DNAH11: variants seen among roughly 807,000 people sequenced by gnomAD.
The protein encoded by DNAH11 is dynein axonemal heavy chain 11, also known as axonemal beta dynein heavy chain 11.
In DNAH11, 442 loss-of-function variants were observed where a neutral mutation model predicts 526.0. The ratio of observed to expected loss-of-function variants is 0.84; its 90% CI spans 0.78 to 0.91. DNAH11 has a LOEUF of 0.91. DNAH11 is among the 40% of genes least tolerant of loss of function. The pLI, the probability that DNAH11 is intolerant of heterozygous loss-of-function variation, is 0.00. For synonymous variants in DNAH11, 2,461 were observed against 1,935.9 expected (o/e 1.27, Z -7.12); for missense variants, 6,989 against 5,448.7 (o/e 1.28, Z -8.90).
chr7:21,547,355 G>T (rs1288029499), intron 2 of DNAH11, among the ~76,000 whole-genome samples: 1 of 152,184 alleles, frequency 6.6e-6, no homozygotes, highest in Non-Finnish European at 1.5e-5. Flanking sequence ...CCAAAGGATG[G>T]ACTCGGAGAC....
Position 21,619,936 on chromosome 7 carries a change from A to ATGAAT in DNAH11, c.4378-19_4378-18insGAATT. ...TATCAATTAAATTTTGTGCACATTA[A>ATGAAT]TTATATTGTTGATTACTAGGTTATT... is the stretch of plus-strand genomic sequence containing the variant. On this transcript the variant is annotated intron_variant, in intron 24 of 81. Transcript: ENST00000409508. 6.4e-7 allele frequency: 1 copy of ATGAAT among 1,568,850 alleles called. No individual in the cohort carries two copies.
Position 21,786,711 on chromosome 7 carries a change from C to T in DNAH11, c.9685C>T (p.Arg3229Trp), listed in dbSNP as rs886536075. The change falls in exon 59 of 82, where the codon CGG (arginine) becomes TGG (tryptophan). Residue 3229 changes from arginine to tryptophan, a missense_variant. Transcript: ENST00000409508. ...TAAVMVLLAP[R>W]GRVPKDRSWK... is the part of the protein sequence containing the mutation. ...AGCCGTGATGGTCCTTCTGGCTCCT[C>T]GGGGAAGAGTGCCCAAAGACCGAAG... The T allele has an allele frequency of 1.9e-6, 3 of 1,613,686 alleles. No individual in the cohort carries two copies. Among genetic ancestry groups the T allele is most frequent in the African/African-American group, 2.7e-5 (2 of 74,892 alleles).
intron 55 of DNAH11, among the ~76,000 whole-genome samples, chr7:21,766,087 C>T (rs1266158726): frequency 6.6e-6 from 1 of 152,052 alleles, no homozygotes; most frequent in African/African-American, 2.4e-5. Flanking sequence ...ACCACTAAGT[C>T]AAATAATATA....
At chr7:21,711,503 C>T (rs924580848) in intron 41 of DNAH11, among the ~76,000 whole-genome samples, 13 of 152,110 alleles carry the variant, frequency 8.5e-5, no homozygotes, top group African/African-American at 2.7e-4. Context: ...ATGTAAAGGT[C>T]GACATTCACA....
intron 73 of DNAH11, among the ~76,000 whole-genome samples, chr7:21,872,135 A>AAAAAAAAAACAAAC (rs1562595922): frequency 7.3e-6 from 1 of 137,242 alleles, no homozygotes; most frequent in African/African-American, 2.9e-5. Flanking sequence ...AAAAAAAAAA[A>AAAAAAAAAACAAAC]AAAAAAAAAA....
At chr7:21,733,644 T>G (rs1295417879) in intron 45 of DNAH11, among the ~76,000 whole-genome samples, 1 of 152,220 alleles carries the variant, frequency 6.6e-6, no homozygotes, top group African/African-American at 2.4e-5. Context: ...GAGTTTGTAC[T>G]CTTTCTTTCC....
chr7:21,728,830 G>A (rs1016034114), intron 45 of DNAH11, among the ~76,000 whole-genome samples: 8 of 152,228 alleles, frequency 5.3e-5, no homozygotes, highest in Admixed American at 4.6e-4. Context: ...TCCCAAGCAA[G>A]TCCAAAACTT....
chr7:21,839,855 AAAC>A, intron 65 of DNAH11, among the ~76,000 whole-genome samples: 1 of 152,226 alleles, frequency 6.6e-6, no homozygotes, highest in African/African-American at 2.4e-5. Flanking sequence ...TCTGCAGGGA[AAAC>A]AACATTTGAG....
At chr7:21,669,874 T>C (rs1268738982) in intron 30 of DNAH11, among the ~76,000 whole-genome samples, 6 of 152,154 alleles carry the variant, frequency 3.9e-5, no homozygotes, top group Non-Finnish European at 8.8e-5. Flanking sequence ...TCAGATTCTC[T>C]TGTTTCATTG....
intron 57 of DNAH11, among the ~76,000 whole-genome samples, chr7:21,781,247 G>A (rs1359770683): frequency 6.6e-6 from 1 of 152,172 alleles, no homozygotes; most frequent in Non-Finnish European, 1.5e-5. Flanking sequence ...AAAGTACACA[G>A]CCACGTTTAA....
At chr7:21,572,086 A>T (rs554924027) in intron 8 of DNAH11, 113 bp downstream of exon 8, 24 of 924,992 alleles carry the variant, frequency 2.6e-5, no homozygotes, top group African/African-American at 2.4e-4. Flanking sequence ...CTCTAGGACC[A>T]AAAGAGGTTA....
intron 30 of DNAH11, among the ~76,000 whole-genome samples, chr7:21,660,260 A>G (rs1334993153): frequency 6.6e-6 from 1 of 152,052 alleles, no homozygotes. Flanking sequence ...TGCTTTTATT[A>G]TGACCATTTT....
chr7:21,620,012 C>A lies in DNAH11; in HGVS notation c.4434C>A (p.His1478Gln). Residue 1478 changes from histidine (H) to glutamine (Q), a missense_variant, in exon 25 of 82, where the codon CAC becomes CAA. Physicochemically the swap from His to Gln is conservative, Grantham distance 24. Transcript: ENST00000409508. ...CCATGAAGTTTTCTTACGAAGTTCA[C>A]TATCGAACAGGCATTCCATTACTAA... ...WATMKFSYEV[H>Q]YRTGIPLLKS... The A allele has an allele frequency of 6.2e-7, 1 of 1,610,048 alleles. No homozygotes were observed. The highest frequency in any genetic ancestry group is 8.5e-7 in the Non-Finnish European group (1 of 1,178,638).
intron 54 of DNAH11, among the ~76,000 whole-genome samples, chr7:21,757,253 A>G (rs533141519): frequency 3.3e-4 from 51 of 152,358 alleles, no homozygotes; most frequent in African/African-American, 1.1e-3. Flanking sequence ...AAAACTTTTA[A>G]GTAACTATAG....
chr7:21,603,748 T>A (rs900971141), intron 18 of DNAH11, among the ~76,000 whole-genome samples: 1 of 152,192 alleles, frequency 6.6e-6, no homozygotes, highest in Admixed American at 6.5e-5. Flanking sequence ...TATAAATAGT[T>A]CTTGTTTCTA....
intron 65 of DNAH11, among the ~76,000 whole-genome samples, chr7:21,841,191 C>A (rs547486438): frequency 1.3e-4 from 19 of 151,292 alleles, no homozygotes; most frequent in East Asian, 5.8e-4. Context: ...CACACACACA[C>A]AAAAAAGAAT....
In DNAH11 at chr7:21,787,427, T is replaced by C. The variant is rs567962120; in HGVS notation, c.9768T>C (p.Ile3256=). ...TTGATGATTTTTTGCAAGCATTAATTAACTATGACAAAGAGCACATTCCAG... is the reference window on the plus strand; with the variant it reads ...TTGATGATTTTTTGCAAGCATTAATCAACTATGACAAAGAGCACATTCCAG... ...GKVDDFLQAL[I]NYDKEHIPEN... Residue 3256 remains isoleucine (I), a synonymous_variant, in exon 60 of 82, where the codon ATT becomes ATC. Coordinates refer to ENST00000409508, the MANE Select transcript of DNAH11 (RefSeq NM_001277115.2). 25 of 1,609,082 alleles carry C rather than the reference T, an allele frequency of 1.6e-5. 1 individual carries two copies. Among genetic ancestry groups the C allele is most frequent in the African/African-American group, 1.3e-4 (10 of 74,890 alleles).
chr7:21,824,045 T>C (rs1464963446), intron 65 of DNAH11, among the ~76,000 whole-genome samples: 1 of 94,908 alleles, frequency 1.1e-5, no homozygotes, highest in Non-Finnish European at 2.5e-5. Context: ...AAGGGTAAAT[T>C]TGTTAAAATT....
At chr7:21,556,496 T>G (rs1288485232) in intron 2 of DNAH11, among the ~76,000 whole-genome samples, 1 of 152,224 alleles carries the variant, frequency 6.6e-6, no homozygotes, top group Non-Finnish European at 1.5e-5. Context: ...TAATGCATGT[T>G]CAGCCCAACA....
Sources: gnomAD v4.1 joint callset for allele counts (sites outside exome capture counted in the v4.1 genomes callset) on GRCh38, gnomAD v4.1.1 for gene constraint, MANE v1.5 for transcripts, NCBI Gene and HGNC (gene_info 2026-07-23, HGNC 2026-07-21) for gene names.